NLRP14: variants seen among roughly 807,000 people sequenced by gnomAD.
The protein encoded by NLRP14 is NACHT, LRR and PYD domains-containing protein 14.
NLRP14 carries 105 observed loss-of-function variants against 94.7 expected under a neutral mutation model. The ratio of observed to expected loss-of-function variants is 1.11; its 90% confidence interval spans 0.95 to 1.30. NLRP14 has a LOEUF of 1.30. NLRP14 is among the 50% of genes most tolerant of loss of function. The probability of loss-of-function intolerance (pLI) is 0.00; values close to 1 mark genes in which losing one functional copy is unlikely to be tolerated. For synonymous variants in NLRP14, 508 were observed against 459.9 expected (o/e 1.10, Z -1.34); for missense variants, 1,362 against 1,254.1 (o/e 1.09, Z -1.30).
In NLRP14 at chr11:7,070,285, G is replaced by C. The variant is rs760210380; in HGVS notation, c.2976-1G>C. On this transcript the variant is annotated splice_acceptor_variant, in intron 10 of 11. Transcript: ENST00000299481. LOFTEE classifies it high-confidence loss of function. ...TTATCTTTTGTCTCTCTTCTCTACA[G>C]GTTGGAATACTGTGGTTTGACATCT... 4.4e-6 allele frequency: 7 copies of C among 1,606,290 alleles called. No individual in the cohort carries two copies. The Admixed American group carries it at 1.2e-4, about 27-fold the overall frequency.
At chr11:7,056,105 G>A (rs1440116212) in intron 6 of NLRP14, among the ~76,000 whole-genome samples, 1 of 151,856 alleles carries the variant, frequency 6.6e-6, no homozygotes, top group Non-Finnish European at 1.5e-5. Context: ...TAGAAAACTA[G>A]GAAAGAGTTT....
intron 6 of NLRP14, among the ~76,000 whole-genome samples, chr11:7,053,999 C>A (rs1213584479): frequency 2.0e-5 from 3 of 152,084 alleles, no homozygotes; most frequent in Non-Finnish European, 2.9e-5. Flanking sequence ...TCTCTATGTC[C>A]ATGAGATATC....
chr11:7,089,338 C>G, the NLRP14 span: 5 of 1,608,114 alleles, frequency 3.1e-6, no homozygotes, highest in Non-Finnish European at 4.2e-6. Context: ...AACGGCAAGT[C>G]CCTGGATGGT....
the NLRP14 span, chr11:7,089,990 C>T: frequency 3.7e-6 from 6 of 1,613,070 alleles, no homozygotes; most frequent in South Asian, 1.1e-5. Context: ...GAGAGCTGCG[C>T]GGCGCCGCCC....
chr11:7,080,548 C>T, the NLRP14 span, among the ~76,000 whole-genome samples: 4,716 of 152,276 alleles, frequency 0.031, 139 homozygotes, highest in East Asian at 0.13. Context: ...ACAAATGCCA[C>T]CTGGAGTTCC....
intron 1 of NLRP14, among the ~76,000 whole-genome samples, chr11:7,030,821 C>T (rs1852080638): frequency 6.6e-6 from 1 of 152,172 alleles, no homozygotes; most frequent in African/African-American, 2.4e-5. Context: ...GGGTTCAATT[C>T]CCCGACTTCC....
chr11:7,025,252 G>A (rs1251052261), intron 1 of NLRP14, among the ~76,000 whole-genome samples: 1 of 152,050 alleles, frequency 6.6e-6, no homozygotes, highest in Non-Finnish European at 1.5e-5. Flanking sequence ...AATGTTGGAA[G>A]CTAAAAAATT....
intron 10 of NLRP14, among the ~76,000 whole-genome samples, chr11:7,063,364 C>A (rs1255892131): frequency 6.6e-6 from 1 of 151,936 alleles, no homozygotes; most frequent in Non-Finnish European, 1.5e-5. Context: ...TTTTGTCCCC[C>A]GAGTCTCACA....
At chr11:7,061,683 T>C (rs556352271) in intron 9 of NLRP14, among the ~76,000 whole-genome samples, 2 of 152,202 alleles carry the variant, frequency 1.3e-5, no homozygotes, top group South Asian at 2.1e-4. Flanking sequence ...CTGGGACTTC[T>C]CAGTGGAGAC....
At chr11:7,064,635 A>G (rs116081959) in intron 10 of NLRP14, among the ~76,000 whole-genome samples, 122 of 152,226 alleles carry the variant, frequency 8.0e-4, no homozygotes, top group Middle Eastern at 3.4e-3. Flanking sequence ...TGGAGGAATC[A>G]TACAAATGGG....
chr11:7,089,049 G>T, the NLRP14 span: 1 of 1,532,820 alleles, frequency 6.5e-7, no homozygotes, highest in Non-Finnish European at 8.9e-7. Flanking sequence ...CTCGACGAGC[G>T]AGCTCGAAGG....
At chr11:7,049,355 G>A (rs1852406656) in intron 5 of NLRP14, among the ~76,000 whole-genome samples, 1 of 152,082 alleles carries the variant, frequency 6.6e-6, no homozygotes, top group Non-Finnish European at 1.5e-5. Context: ...TTTGGCTATT[G>A]TGAATTAATG....
intron 10 of NLRP14, among the ~76,000 whole-genome samples, chr11:7,069,551 C>A (rs578136455): frequency 7.2e-5 from 11 of 152,138 alleles, no homozygotes; most frequent in Non-Finnish European, 1.2e-4. Context: ...CTAATGTATT[C>A]GAAATAGGCC....
At chr11:7,075,542 G>A (rs1405540774), downstream of NLRP14, among the ~76,000 whole-genome samples, 1 of 152,178 alleles carries the variant, frequency 6.6e-6, no homozygotes, top group Non-Finnish European at 1.5e-5. Flanking sequence ...ACGCTTAGAA[G>A]CATTAGCATT....
chr11:7,075,867 T>C (rs1380541287), downstream of NLRP14, among the ~76,000 whole-genome samples: 3 of 152,170 alleles, frequency 2.0e-5, no homozygotes, highest in African/African-American at 7.2e-5. Context: ...ATCGGGGATC[T>C]CCCCTCCTGC....
In NLRP14 at chr11:7,059,953, A is replaced by C; in HGVS notation, c.2693A>C (p.His898Pro). ...GAATATCTGTCAACTTCTCTTCTAC[A>C]CAACAAGAGCCTGACGCATCTGGAT... ...SSEYLSTSLL[H>P]NKSLTHLDLG... Residue 898 changes from histidine to proline, a missense_variant, in exon 9 of 12, where the codon CAC (histidine) becomes CCC (proline). Physicochemically the swap from His to Pro is moderately conservative, Grantham distance 77 (BLOSUM62 -2). Coordinates refer to ENST00000299481, the MANE Select transcript of NLRP14 (RefSeq NM_176822.4). 6.2e-7 allele frequency: 1 copy of C among 1,612,554 alleles called. No homozygotes were observed.
In NLRP14 at chr11:7,071,202, C is replaced by G; in HGVS notation, c.3176C>G (p.Ala1059Gly). The G allele has an allele frequency of 1.2e-6, 2 of 1,613,542 alleles. No homozygotes were observed. Among genetic ancestry groups the G allele is most frequent in the Non-Finnish European group, 1.7e-6 (2 of 1,179,878 alleles). ...GLCKEAFDEE[A>G]QKLLEAVGVS... Reference sequence around the variant, plus strand: ...TGCAAAGAGGCATTTGATGAGGAAGCCCAGAAGCTGCTGGAAGCTGTGGGA... The same window carrying G: ...TGCAAAGAGGCATTTGATGAGGAAGGCCAGAAGCTGCTGGAAGCTGTGGGA... The change falls in exon 12 of 12, where the codon GCC becomes GGC. Residue 1059 changes from alanine to glycine, a missense_variant. Transcript: ENST00000299481.
intron 4 of NLRP14, among the ~76,000 whole-genome samples, chr11:7,044,558 GA>G (rs1852323133): frequency 6.6e-6 from 1 of 152,076 alleles, no homozygotes; most frequent in Non-Finnish European, 1.5e-5. Flanking sequence ...AGGTTAATAA[GA>G]AATAGTAGGT....
At chr11:7,039,907 C>T (rs1852222434) in intron 3 of NLRP14, 122 bp downstream of exon 3, 1 of 801,130 alleles carries the variant, frequency 1.2e-6, no homozygotes, top group Admixed American at 2.0e-5. Context: ...CCCACCTGTT[C>T]CCTGAATGTC....
Sources: gnomAD v4.1 joint callset for allele counts (sites outside exome capture counted in the v4.1 genomes callset) on GRCh38, gnomAD v4.1.1 for gene constraint, MANE v1.5 for transcripts, NCBI Gene and HGNC (gene_info 2026-07-23, HGNC 2026-07-21) for gene names.